Variants in NCAPD3 observed in about 807,000 individuals in gnomAD.
The protein encoded by NCAPD3 is non-SMC condensin II complex subunit D3, also known as condensin-2 complex subunit D3.
NCAPD3 carries 105 observed loss-of-function variants against 182.9 expected under a neutral mutation model. That is an observed-to-expected ratio of 0.57 (90% CI 0.49 to 0.68). NCAPD3 has a LOEUF of 0.68. NCAPD3 is among the 30% of genes least tolerant of loss of function. NCAPD3 has a pLI of 0.00. For missense variants in NCAPD3, 1,944 were observed against 1,837.0 expected (o/e 1.06, Z -1.07); for synonymous variants, 815 against 679.9 (o/e 1.20, Z -3.09).
At chr11:134,158,761 A>T (rs1352630485) in intron 29 of NCAPD3, among the ~76,000 whole-genome samples, 4 of 152,118 alleles carry the variant, frequency 2.6e-5, no homozygotes, top group African/African-American at 9.7e-5. Flanking sequence ...TGAATACTAG[A>T]ACTTATTTCT....
intron 13 of NCAPD3, among the ~76,000 whole-genome samples, chr11:134,199,541 T>C (rs1462547923): frequency 6.6e-6 from 1 of 152,204 alleles, no homozygotes; most frequent in Admixed American, 6.5e-5. Context: ...GCTAGTGACA[T>C]GCAGAATGAT....
At chr11:134,194,232 C>A in intron 14 of NCAPD3, 82 bp from the exon 15 acceptor site, 1 of 1,422,918 alleles carries the variant, frequency 7.0e-7, no homozygotes, top group South Asian at 1.4e-5. Flanking sequence ...GGAACACTTC[C>A]TTTAAGTTTG....
At chr11:134,169,354 C>G (rs749651730) in intron 24 of NCAPD3, among the ~76,000 whole-genome samples, 9 of 152,136 alleles carry the variant, frequency 5.9e-5, no homozygotes, top group Admixed American at 3.3e-4. Flanking sequence ...AGTAATCGAC[C>G]AACTGAACCC....
At chr11:134,218,110 A>AG (rs5795873) in intron 2 of NCAPD3, among the ~76,000 whole-genome samples, 3,041 of 59,438 alleles carry the variant, frequency 0.051, 171 homozygotes, top group East Asian at 0.25. Flanking sequence ...AAAAAAAAAA[A>AG]GGGGGGGGGG....
At chr11:134,198,918 A>C (rs1020827189) in intron 13 of NCAPD3, among the ~76,000 whole-genome samples, 2 of 152,232 alleles carry the variant, frequency 1.3e-5, no homozygotes, top group Non-Finnish European at 2.9e-5. Flanking sequence ...TGAAAACTAC[A>C]AAACATCACT....
chr11:134,157,256 A>C (rs1171892784), intron 31 of NCAPD3, among the ~76,000 whole-genome samples, 161 bp from the exon 32 acceptor site: 2 of 152,186 alleles, frequency 1.3e-5, no homozygotes, highest in Non-Finnish European at 2.9e-5. Context: ...CAAATAAATG[A>C]TAAACATGAG....
rs1303572552 is a variant in NCAPD3 at position 134,203,671 on chromosome 11, A to G, written c.1451T>C (p.Leu484Pro). The stretch of plus-strand genomic sequence containing the variant: ...ATACTCACTGTTAATCAGGAGCTCC[A>G]GGATACTCTCCGACGCACTGGTAAC... ...LTVTSASESI[L>P]ELLINSPTFS... is the part of the protein sequence containing the mutation. Residue 484 changes from leucine (L) to proline (P), a missense_variant, in exon 11 of 35, where the codon CTG (leucine) becomes CCG (proline). Leu to Pro is a moderately conservative substitution (Grantham distance 98). This residue lies in a region of NCAPD3 where 1,803 missense variants were observed against 1,674.6 expected (regional missense o/e 1.08). Transcript: ENST00000534548. 1 of 1,613,146 alleles carries G rather than the reference A, an allele frequency of 6.2e-7. No individual in the cohort carries two copies. The highest frequency in any genetic ancestry group is 8.5e-7 in the Non-Finnish European group (1 of 1,180,038).
chr11:134,186,755 G>A (rs914628944), intron 16 of NCAPD3, among the ~76,000 whole-genome samples: 2 of 151,974 alleles, frequency 1.3e-5, no homozygotes, highest in African/African-American at 4.8e-5. Flanking sequence ...TACAGAATAA[G>A]GTAACTGTAA....
chr11:134,212,234 T>C (rs929089346), intron 3 of NCAPD3, among the ~76,000 whole-genome samples: 3 of 152,220 alleles, frequency 2.0e-5, no homozygotes, highest in African/African-American at 7.2e-5. Context: ...AGATTAATCT[T>C]TCAAATATAA....
chr11:134,216,401 T>A (rs1938023760), intron 3 of NCAPD3, among the ~76,000 whole-genome samples: 1 of 152,218 alleles, frequency 6.6e-6, no homozygotes, highest in South Asian at 2.1e-4. Flanking sequence ...AGAGAATGGA[T>A]TTCACTGTCA....
intron 29 of NCAPD3, among the ~76,000 whole-genome samples, chr11:134,159,251 G>A (rs1943512694): frequency 6.6e-6 from 1 of 152,154 alleles, no homozygotes; most frequent in African/African-American, 2.4e-5. Flanking sequence ...TCTCCATAGT[G>A]GCTGTTCTAC....
chr11:134,205,004 A>G, intron 8 of NCAPD3, 33 bp from the exon 9 acceptor site: 1 of 1,551,550 alleles, frequency 6.4e-7, no homozygotes, highest in Admixed American at 1.7e-5. Context: ...TACTGTTCAC[A>G]ATACAGTCAG....
chr11:134,220,667 T>C lies in NCAPD3; in HGVS notation c.124A>G (p.Ile42Val), dbSNP rs2136034532. 3 of 1,614,054 alleles carry C rather than the reference T, an allele frequency of 1.9e-6. No homozygotes were observed. Among genetic ancestry groups the C allele is most frequent in the Non-Finnish European group, 2.5e-6 (3 of 1,179,884 alleles). ...CCAGTCTCTATGATCTCTGCTTCTA[T>C]GCTGGGATCCAAAGGCTCAGTCTCT... ...FTETEPLDPS[I>V]EAEIIETGLA... Residue 42 changes from isoleucine to valine, a missense_variant, in exon 2 of 35, where the codon ATA (isoleucine) becomes GTA (valine). Physicochemically the swap from Ile to Val is conservative, Grantham distance 29. This residue lies in a region of NCAPD3 where 131 missense variants were observed against 133.9 expected (regional missense o/e 0.98). Coordinates refer to ENST00000534548, the MANE Select transcript of NCAPD3 (RefSeq NM_015261.3).
chr11:134,196,556 G>T (rs922877528), intron 13 of NCAPD3, among the ~76,000 whole-genome samples: 2 of 149,404 alleles, frequency 1.3e-5, no homozygotes, highest in African/African-American at 2.5e-5. Context: ...TGAGGCAGGA[G>T]ATTTGCTTGA....
chr11:134,192,462 G>A (rs1167242918), intron 16 of NCAPD3, among the ~76,000 whole-genome samples: 9 of 152,192 alleles, frequency 5.9e-5, no homozygotes, highest in Non-Finnish European at 7.3e-5. Flanking sequence ...ACTGGAAAGC[G>A]TCAGACAGAT....
intron 24 of NCAPD3, among the ~76,000 whole-genome samples, chr11:134,174,284 G>A (rs1025552387): frequency 4.0e-5 from 6 of 149,680 alleles, no homozygotes; most frequent in African/African-American, 9.9e-5. Flanking sequence ...CTGGGAGGCC[G>A]AGGTGGGAGG....
intron 28 of NCAPD3, 70 bp from the exon 29 acceptor site, chr11:134,160,144 C>T: frequency 6.6e-7 from 1 of 1,513,744 alleles, no homozygotes; most frequent in Non-Finnish European, 9.0e-7. Flanking sequence ...ACCCCCACGA[C>T]ACACCTTCGC....
chr11:134,164,301 G>T (rs748592241), intron 27 of NCAPD3, among the ~76,000 whole-genome samples: 1 of 152,240 alleles, frequency 6.6e-6, no homozygotes, highest in Non-Finnish European at 1.5e-5. Flanking sequence ...GAGATGAAGA[G>T]CAGAAAGAAG....
chr11:134,190,200 T>C (rs1425681753), intron 16 of NCAPD3, among the ~76,000 whole-genome samples: 1 of 152,242 alleles, frequency 6.6e-6, no homozygotes, highest in African/African-American at 2.4e-5. Flanking sequence ...CTATCCCTGG[T>C]TGTCTGCAGT....
Sources: allele counts gnomAD v4.1 joint callset (sites outside exome capture counted in the v4.1 genomes callset), GRCh38; gene constraint gnomAD v4.1.1; regional missense constraint gnomAD v4.1.1; transcripts MANE v1.5; gene names NCBI Gene and HGNC (gene_info 2026-07-23, HGNC 2026-07-21).